Variants in DENND11 observed in about 807,000 individuals in gnomAD.
The protein encoded by DENND11 is DENN domain-containing protein 11.
DENND11 carries 34 observed loss-of-function variants against 49.2 expected under a neutral mutation model. The ratio of observed to expected loss-of-function variants is 0.69; its 90% CI spans 0.53 to 0.92. DENND11 has a LOEUF of 0.92. Among genes scored for constraint, DENND11 ranks in the 40% least tolerant of loss-of-function variants. The pLI, the probability that DENND11 is intolerant of heterozygous loss-of-function variation, is 0.00. For missense variants in DENND11, 475 were observed against 581.6 expected (o/e 0.82, Z 1.88); for synonymous variants, 238 against 230.3 (o/e 1.03, Z -0.30).
Position 141,668,324 on chromosome 7 carries a change from T to C in DENND11, c.682-1899A>G, listed in dbSNP as rs1797926109. 2.0e-5 allele frequency among the ~76,000 whole-genome samples: 3 copies of C among 150,620 alleles called. No individual in the cohort carries two copies. In the South Asian group the frequency reaches 6.7e-4, roughly 34 times the overall value. The stretch of plus-strand genomic sequence containing the variant: ...ATCTGAGGCCGGGTGCTGTGACTCA[T>C]GCCTGTAATCCCAGCACTTTGGGAG... On this transcript the variant is annotated intron_variant, in intron 4 of 8. Transcript: ENST00000536163.
chr7:141,694,240 C>A (rs988579719), intron 1 of DENND11, among the ~76,000 whole-genome samples: 4 of 151,978 alleles, frequency 2.6e-5, no homozygotes, highest in Non-Finnish European at 5.9e-5. Context: ...AGAAAAATAG[C>A]CTTATTCTTA....
rs538597667 is a variant in DENND11 at position 141,688,573 on chromosome 7, C to T, written c.269-1915G>A. On this transcript the variant is annotated intron_variant, in intron 1 of 8. Coordinates refer to ENST00000536163, the MANE Select transcript of DENND11 (RefSeq NM_001080392.2). ...CGAACAATGTTATGTTTGTCAGGGT[C>T]AAAGATAAGAAAAAGCACTCAGAAA... 8.5e-5 allele frequency among the ~76,000 whole-genome samples: 13 copies of T among 152,246 alleles called. No individual in the cohort carries two copies. In the South Asian group the frequency reaches 2.3e-3, roughly 27 times the overall value.
In DENND11 at chr7:141,660,322, G is replaced by A. The variant is rs1281326466; in HGVS notation, c.*2334C>T. On this transcript the variant is annotated 3_prime_UTR_variant, in exon 9 of 9. Transcript: ENST00000536163. Reference sequence around the variant, plus strand: ...CCAAGGCCCCTATGACCTGAAACATGGCACTGCCTCACTGGCACGTTCTCC... The same window carrying A: ...CCAAGGCCCCTATGACCTGAAACATAGCACTGCCTCACTGGCACGTTCTCC... The A allele has an allele frequency of 6.6e-6, 1 of 152,210 alleles. No homozygotes were observed. The highest frequency in any genetic ancestry group is 2.4e-5 in the African/African-American group (1 of 41,430). 9.4% of individuals were successfully genotyped at this position (152,210 alleles called of 1,614,324 possible). A position where few individuals can be genotyped will look rare whatever the true frequency, so the allele number is the denominator to read the frequency against.
At chr7:141,687,380 T>A (rs1399869924) in intron 1 of DENND11, among the ~76,000 whole-genome samples, 1 of 152,118 alleles carries the variant, frequency 6.6e-6, no homozygotes, top group Admixed American at 6.5e-5. Flanking sequence ...TGAGATTAGA[T>A]TCCAGAGAGA....
chr7:141,695,859 T>C (rs1444162871), intron 1 of DENND11, among the ~76,000 whole-genome samples: 1 of 152,324 alleles, frequency 6.6e-6, no homozygotes, highest in East Asian at 1.9e-4. Context: ...TAGCCTCTAC[T>C]GCAAAGACAA....
chr7:141,669,510 TG>T (rs1322508122), intron 4 of DENND11, among the ~76,000 whole-genome samples: 1 of 152,144 alleles, frequency 6.6e-6, no homozygotes, highest in Non-Finnish European at 1.5e-5. Flanking sequence ...CCTCCCAAAG[TG>T]CTGGGATTAC....
intron 7 of DENND11, 34 bp downstream of exon 7, chr7:141,664,870 T>G: frequency 9.4e-6 from 15 of 1,589,090 alleles, no homozygotes; most frequent in Non-Finnish European, 1.3e-5. Flanking sequence ...CTGAGGAGGG[T>G]GGAGCCCCTG....
At chr7:141,692,255 C>A (rs1024487642) in intron 1 of DENND11, among the ~76,000 whole-genome samples, 1 of 152,156 alleles carries the variant, frequency 6.6e-6, no homozygotes, top group Non-Finnish European at 1.5e-5. Flanking sequence ...AAAATCCCAG[C>A]AAATTATTTT....
rs1477509854 is a variant in DENND11 at position 141,702,147 on chromosome 7, C to T, written c.7G>A (p.Glu3Lys). 83 of 982,624 alleles carry T rather than the reference C, an allele frequency of 8.4e-5. No individual in the cohort carries two copies. The highest frequency in any genetic ancestry group is 9.8e-5 in the Non-Finnish European group (81 of 829,670). The allele number at this position is 982,624 out of a possible 1,614,324, so 60.9% of individuals were successfully genotyped here. The change falls in exon 1 of 9, where the codon GAG (glutamate) becomes AAG (lysine). Residue 3 changes from glutamate to lysine, a missense_variant. Glu to Lys is a moderately conservative substitution (Grantham distance 56, BLOSUM62 1). Coordinates refer to ENST00000536163, the MANE Select transcript of DENND11 (RefSeq NM_001080392.2). MV[E>K]QGDAAPLLRW... ...AGCAGCGGCGCCGCGTCTCCCTGCT[C>T]CACCATGGCTAGGCGAGGCGGAGCC...
intron 1 of DENND11, among the ~76,000 whole-genome samples, chr7:141,692,305 G>C (rs968880835): frequency 7.9e-5 from 12 of 152,144 alleles, no homozygotes; most frequent in African/African-American, 2.7e-4. Flanking sequence ...TACATGGAAA[G>C]GCAAGAGACC....
chr7:141,681,123 T>C (rs1328258236), intron 3 of DENND11, among the ~76,000 whole-genome samples: 1 of 152,188 alleles, frequency 6.6e-6, no homozygotes, highest in East Asian at 1.9e-4. Flanking sequence ...CTGCTAAAAC[T>C]TCAATAACTT....
Position 141,657,623 on chromosome 7 carries a change from C to A in DENND11, c.*5033G>T, listed in dbSNP as rs1797718140. The stretch of plus-strand genomic sequence containing the variant: ...GTTAGTCTAAATAAGCATTCTATAG[C>A]AAACATAAGTAATTCACACCTGGCC... On this transcript the variant is annotated 3_prime_UTR_variant, in exon 9 of 9. Transcript: ENST00000536163. 6.6e-6 allele frequency: 1 copy of A among 152,196 alleles called. No individual in the cohort carries two copies. The highest frequency in any genetic ancestry group is 2.4e-5 in the African/African-American group (1 of 41,402). The allele number at this position is 152,196 out of a possible 1,614,324, so 9.4% of individuals were successfully genotyped here.
chr7:141,694,643 G>C (rs866967230), intron 1 of DENND11, among the ~76,000 whole-genome samples: 1 of 152,134 alleles, frequency 6.6e-6, no homozygotes, highest in African/African-American at 2.4e-5. Context: ...AAAAAGAAAA[G>C]TCTATTTATA....
At chr7:141,670,280 G>T (rs1473922143) in intron 4 of DENND11, among the ~76,000 whole-genome samples, 1 of 152,040 alleles carries the variant, frequency 6.6e-6, no homozygotes, top group Non-Finnish European at 1.5e-5. Context: ...CTGGGTGTGT[G>T]TGTGTCTCTA....
chr7:141,666,710 T>TA (rs1391807124), intron 4 of DENND11, among the ~76,000 whole-genome samples: 1 of 152,098 alleles, frequency 6.6e-6, no homozygotes, highest in Non-Finnish European at 1.5e-5. Context: ...AATTTAAATT[T>TA]AAAAAAACCA....
At chr7:141,696,046 C>A (rs1359772757) in intron 1 of DENND11, among the ~76,000 whole-genome samples, 1 of 152,218 alleles carries the variant, frequency 6.6e-6, no homozygotes, top group Non-Finnish European at 1.5e-5. Flanking sequence ...CTTGGACTAA[C>A]CGACTACGAG....
intron 4 of DENND11, 74 bp from the exon 5 acceptor site, chr7:141,666,499 A>G (rs867431278): frequency 1.4e-5 from 19 of 1,364,442 alleles, no homozygotes; most frequent in Middle Eastern, 2.0e-4. Flanking sequence ...AAAGGTATCT[A>G]ATCTCCTTCT....
chr7:141,687,536 T>C (rs1259037023), intron 1 of DENND11, among the ~76,000 whole-genome samples: 1 of 151,192 alleles, frequency 6.6e-6, no homozygotes, highest in Non-Finnish European at 1.5e-5. Flanking sequence ...CAATCTCGGG[T>C]CACTGCAAGC....
intron 1 of DENND11, 55 bp from the exon 2 acceptor site, chr7:141,686,713 G>T: frequency 1.6e-6 from 2 of 1,221,578 alleles, no homozygotes; most frequent in Non-Finnish European, 2.4e-6. Context: ...AAAGAAAATG[G>T]GTTAGTACAG....
Sources: gnomAD v4.1 joint callset for allele counts (sites outside exome capture counted in the v4.1 genomes callset) on GRCh38, gnomAD v4.1.1 for gene constraint, MANE v1.5 for transcripts, NCBI Gene and HGNC (gene_info 2026-07-23, HGNC 2026-07-21) for gene names.